Variants in CCNY observed in about 807,000 individuals in gnomAD.
CCNY encodes cyclin Y.
CCNY carries 19 observed loss-of-function variants against 42.8 expected under a neutral mutation model. The observed-to-expected ratio is 0.44, with a 90% CI of 0.31 to 0.65. The LOEUF (loss-of-function observed/expected upper bound fraction) is 0.65. Among genes scored for constraint, CCNY ranks in the 30% least tolerant of loss-of-function variants. CCNY has a pLI of 0.07. For synonymous variants in CCNY, 165 were observed against 162.7 expected (o/e 1.01, Z -0.11); for missense variants, 370 against 437.3 (o/e 0.85, Z 1.37).
intron 2 of CCNY, among the ~76,000 whole-genome samples, chr10:35,497,525 G>C (rs923448932): frequency 3.3e-5 from 5 of 152,084 alleles, no homozygotes; most frequent in African/African-American, 1.2e-4. Flanking sequence ...ATCACTTGAG[G>C]TGAGGAGTTC....
At chr10:35,567,937 G>A (rs1841604180) in intron 9 of CCNY, among the ~76,000 whole-genome samples, 1 of 152,144 alleles carries the variant, frequency 6.6e-6, no homozygotes, top group South Asian at 2.1e-4. Flanking sequence ...GAAGGCAAAT[G>A]TTGTGAAACC....
At chr10:35,447,335 G>A (rs1838814756) in intron 1 of CCNY, among the ~76,000 whole-genome samples, 1 of 152,196 alleles carries the variant, frequency 6.6e-6, no homozygotes, top group South Asian at 2.1e-4. Flanking sequence ...GGCTTTGTAA[G>A]CAGGACTTTC....
At chr10:35,292,839 G>T (rs1318691719) in intron 3 of CCNY, among the ~76,000 whole-genome samples, 1 of 143,588 alleles carries the variant, frequency 7.0e-6, no homozygotes, top group Non-Finnish European at 1.5e-5. Flanking sequence ...AGGCTGGAGT[G>T]CGATGGAGCG....
At chr10:35,479,611 T>TG (rs1420217078) in intron 1 of CCNY, among the ~76,000 whole-genome samples, 1 of 24,382 alleles carries the variant, frequency 4.1e-5, no homozygotes, top group Non-Finnish European at 8.3e-5. Context: ...TGTTGTGGGG[T>TG]GGGGGGAGGG....
chr10:35,568,844 C>G (rs1841625256), intron 9 of CCNY, among the ~76,000 whole-genome samples: 1 of 152,248 alleles, frequency 6.6e-6, no homozygotes, highest in South Asian at 2.1e-4. Flanking sequence ...AGAGTCTTTT[C>G]TCAGACTGTA....
intron 3 of CCNY, among the ~76,000 whole-genome samples, chr10:35,269,993 G>A (rs1232426829): frequency 6.6e-6 from 1 of 152,106 alleles, no homozygotes; most frequent in East Asian, 1.9e-4. Context: ...TGCCACTTTT[G>A]AACATATGAC....
At chr10:35,249,460 C>A (rs556512772) in intron 2 of CCNY, among the ~76,000 whole-genome samples, 39 of 152,156 alleles carry the variant, frequency 2.6e-4, no homozygotes, top group Non-Finnish European at 4.7e-4. Context: ...AAAAAAATAA[C>A]TAGAATGATA....
At chr10:35,271,318 C>T (rs1835166756) in intron 3 of CCNY, among the ~76,000 whole-genome samples, 2 of 152,114 alleles carry the variant, frequency 1.3e-5, no homozygotes, top group African/African-American at 4.8e-5. Context: ...GGATGGATTG[C>T]TGAAGGTTCA....
intron 3 of CCNY, among the ~76,000 whole-genome samples, chr10:35,259,672 G>T (rs113694486): frequency 1.4e-3 from 117 of 86,264 alleles, no homozygotes; most frequent in East Asian, 3.2e-3. Flanking sequence ...CTGGCTAATT[G>T]TTTTTTTTTT....
At chr10:35,334,646 A>G (rs1333588902), upstream of CCNY, among the ~76,000 whole-genome samples, 2 of 152,330 alleles carry the variant, frequency 1.3e-5, no homozygotes, top group Admixed American at 6.5e-5. Flanking sequence ...CAGCATTACC[A>G]CTTTGCAGCC....
At chr10:35,438,715 A>G (rs373092552) in intron 1 of CCNY, among the ~76,000 whole-genome samples, 13 of 152,300 alleles carry the variant, frequency 8.5e-5, no homozygotes, top group Middle Eastern at 3.4e-3. Flanking sequence ...AATTCAAGAG[A>G]AGGAGGAAAG....
chr10:35,312,409 TGTTA>T (rs1835697714), intron 3 of CCNY, among the ~76,000 whole-genome samples: 1 of 124,576 alleles, frequency 8.0e-6, no homozygotes, highest in Non-Finnish European at 1.7e-5. Flanking sequence ...AAAAAAAAAA[TGTTA>T]ATTAGGTACT....
At chr10:35,490,259 A>G (rs996974714) in intron 2 of CCNY, among the ~76,000 whole-genome samples, 4 of 152,250 alleles carry the variant, frequency 2.6e-5, no homozygotes, top group Non-Finnish European at 4.4e-5. Flanking sequence ...GCCAGGCATC[A>G]TAGTCAATCC....
intron 1 of CCNY, among the ~76,000 whole-genome samples, chr10:35,434,640 C>T (rs1236649421): frequency 6.6e-6 from 1 of 152,166 alleles, no homozygotes; most frequent in African/African-American, 2.4e-5. Flanking sequence ...CAAGACTCTC[C>T]TTTCCACTTA....
At chr10:35,379,198 G>A (rs1282955815) in intron 1 of CCNY, among the ~76,000 whole-genome samples, 1 of 152,142 alleles carries the variant, frequency 6.6e-6, no homozygotes, top group African/African-American at 2.4e-5. Context: ...GCAGGCTCTC[G>A]GGTCCAAAAG....
chr10:35,496,775 T>A (rs530789135), intron 2 of CCNY, among the ~76,000 whole-genome samples: 1 of 152,354 alleles, frequency 6.6e-6, no homozygotes, highest in African/African-American at 2.4e-5. Context: ...TAACAAATCC[T>A]CATTAATAAT....
chr10:35,431,115 C>CAAAAAAAAAAAAA (rs112378512), intron 1 of CCNY, among the ~76,000 whole-genome samples: 1 of 107,692 alleles, frequency 9.3e-6, no homozygotes. Flanking sequence ...GACTCCATCT[C>CAAAAAAAAAAAAA]AAAAAAAAAA....
chr10:35,483,993 CGTACCATCTTTA>C (rs1393235721), intron 2 of CCNY, among the ~76,000 whole-genome samples: 2 of 152,046 alleles, frequency 1.3e-5, no homozygotes, highest in African/African-American at 4.8e-5. Context: ...TCTTGTAGAT[CGTACCATCTTTA>C]TGGTTCATCC....
At chr10:35,455,804 C>CCTT in intron 1 of CCNY, among the ~76,000 whole-genome samples, 1 of 75,980 alleles carries the variant, frequency 1.3e-5, no homozygotes, top group Non-Finnish European at 2.4e-5. Flanking sequence ...GGGATGCTTC[C>CCTT]TTTTTTTTTT....
Sources: allele counts gnomAD v4.1 joint callset (sites outside exome capture counted in the v4.1 genomes callset), GRCh38; gene constraint gnomAD v4.1.1; transcripts MANE v1.5; gene names NCBI Gene and HGNC (gene_info 2026-07-23, HGNC 2026-07-21).